CACNA2D2: variants seen among roughly 807,000 people sequenced by gnomAD.
The protein encoded by CACNA2D2 is calcium voltage-gated channel auxiliary subunit alpha2delta 2.
Under a neutral mutation model 166.4 loss-of-function variants are expected in CACNA2D2, and 48 were observed. The observed-to-expected ratio is 0.29, with a 90% CI of 0.23 to 0.37. CACNA2D2 has a LOEUF of 0.37. Ranked by LOEUF, CACNA2D2 falls within the 10% of genes least tolerant of loss-of-function variation. The pLI is 1.00. For missense variants in CACNA2D2, 1,122 were observed against 1,433.0 expected (o/e 0.78, Z 3.50); for synonymous variants, 561 against 573.7 (o/e 0.98, Z 0.32).
chr3:50,483,469 G>A (rs993419976), intron 1 of CACNA2D2, among the ~76,000 whole-genome samples: 4 of 152,160 alleles, frequency 2.6e-5, no homozygotes, highest in South Asian at 4.1e-4. Flanking sequence ...TTTCTTTGCC[G>A]AGAAGAGCTT....
At chr3:50,429,090 C>G (rs1197712898) in intron 3 of CACNA2D2, among the ~76,000 whole-genome samples, 1 of 152,126 alleles carries the variant, frequency 6.6e-6, no homozygotes, top group East Asian at 1.9e-4. Context: ...AATAGCCAGG[C>G]ATGGTGACAC....
rs1391201863 is a variant in CACNA2D2, at chr3:50,365,656, A to G, written c.2948T>C (p.Ile983Thr). The change falls in exon 34 of 38, where the codon ATC becomes ACC. Residue 983 changes from isoleucine to threonine, a missense_variant. Coordinates refer to ENST00000424201, the MANE Select transcript of CACNA2D2 (RefSeq NM_006030.4). The surrounding 1 kb of genome is among the most constrained non-coding windows in gnomAD (Gnocchi z 4.5). Reference sequence around the variant, plus strand: ...ACCTGCTTGGAACCAGCTGTGGTAGATGAGGCCGTAGAGAAGCTGCTGGAA... The same window carrying G: ...ACCTGCTTGGAACCAGCTGTGGTAGGTGAGGCCGTAGAGAAGCTGCTGGAA... Reference protein sequence around the residue: ...SLFQQLLYGLIYHSWFQADPA... With the variant: ...SLFQQLLYGLTYHSWFQADPA... The G allele has an allele frequency of 3.8e-6, 6 of 1,582,300 alleles. No homozygotes were observed. The highest frequency in any genetic ancestry group is 1.7e-4 in the Middle Eastern group (1 of 6,018).
chr3:50,483,827 G>GGTGACAGGCCAGGGATCTC (rs1698164013), intron 1 of CACNA2D2, among the ~76,000 whole-genome samples: 1 of 152,162 alleles, frequency 6.6e-6, no homozygotes, highest in Admixed American at 6.5e-5. Context: ...CTGAGCCAGT[G>GGTGACAGGCCAGGGATCTC]GTGACAGGCC....
At chr3:50,499,430 C>T (rs1698862213) in intron 1 of CACNA2D2, among the ~76,000 whole-genome samples, 1 of 152,210 alleles carries the variant, frequency 6.6e-6, no homozygotes, top group African/African-American at 2.4e-5. Context: ...CCTCCCTGCC[C>T]ACTAGAGGCG....
intron 2 of CACNA2D2, among the ~76,000 whole-genome samples, chr3:50,450,734 G>A (rs939357004): frequency 5.9e-5 from 9 of 152,158 alleles, no homozygotes; most frequent in African/African-American, 2.2e-4. Context: ...CCTGCTGCGC[G>A]CATGCCTGAC....
intron 1 of CACNA2D2, among the ~76,000 whole-genome samples, chr3:50,484,729 G>C (rs1312829234): frequency 6.6e-6 from 1 of 152,200 alleles, no homozygotes; most frequent in Admixed American, 6.5e-5. Flanking sequence ...TATTCCATCA[G>C]ACATCCTCCC....
At chr3:50,416,140 G>C (rs1358313981) in intron 3 of CACNA2D2, 3 of 152,244 alleles carry the variant, frequency 2.0e-5, no homozygotes, top group Non-Finnish European at 4.4e-5. Flanking sequence ...TCCCTCCTTC[G>C]GCCAGGGCTG....
Position 50,434,397 on chromosome 3 carries a change from T to C in CACNA2D2, c.321A>G (p.Val107=), listed in dbSNP as rs1708214554. 2 of 1,613,958 alleles carry C rather than the reference T, an allele frequency of 1.2e-6. No individual in the cohort carries two copies. Among genetic ancestry groups the C allele is most frequent in the Non-Finnish European group, 1.7e-6 (2 of 1,179,928 alleles). ...IYKDNRNLFE[V]QENEPQKLVE... ...CCAACTTCTGAGGCTCATTCTCCTG[T>C]ACCTCGAACAGGTTCCGGTTGTCCT... The change falls in exon 3 of 38, where the codon GTA becomes GTG. Residue 107 remains valine, a synonymous_variant. Coordinates refer to ENST00000424201, the MANE Select transcript of CACNA2D2 (RefSeq NM_006030.4).
In CACNA2D2 at chr3:50,364,003, T is replaced by C. The variant is rs1297164207; in HGVS notation, c.*663A>G. 5 of 152,538 alleles carry C rather than the reference T, an allele frequency of 3.3e-5. No homozygotes were observed. The highest frequency in any genetic ancestry group is 1.2e-4 in the African/African-American group (5 of 41,378). 9.4% of individuals were successfully genotyped at this position (152,538 alleles called of 1,614,324 possible). A position where few individuals can be genotyped will look rare whatever the true frequency, so the allele number is the denominator to read the frequency against. Reference sequence around the variant, plus strand: ...CACCCACCCCACCCCATAGTGTGTGTGTTTGTGCGTGTGCCCAGTGGGGTA... The same window carrying C: ...CACCCACCCCACCCCATAGTGTGTGCGTTTGTGCGTGTGCCCAGTGGGGTA... On this transcript the variant is annotated 3_prime_UTR_variant, in exon 38 of 38. Transcript: ENST00000424201.
intron 2 of CACNA2D2, among the ~76,000 whole-genome samples, chr3:50,469,357 T>C (rs572272004): frequency 6.8e-6 from 1 of 148,030 alleles, no homozygotes; most frequent in Admixed American, 6.6e-5. Context: ...CTGCCCCAGC[T>C]TGGTGGCCTT....
At chr3:50,462,679 T>C (rs1338631389) in intron 2 of CACNA2D2, among the ~76,000 whole-genome samples, 2 of 151,442 alleles carry the variant, frequency 1.3e-5, no homozygotes, top group Non-Finnish European at 2.9e-5. Flanking sequence ...AACTGAACAA[T>C]CAAGAAGTAG....
At chr3:50,374,698 G>GGCAGGGT in intron 22 of CACNA2D2, 39 bp downstream of exon 22, 4 of 1,564,092 alleles carry the variant, frequency 2.6e-6, no homozygotes, top group Non-Finnish European at 2.6e-6. Flanking sequence ...GCGGGGCAGA[G>GGCAGGGT]GCAGGGTGCA....
intron 21 of CACNA2D2, 34 bp from the exon 22 acceptor site, chr3:50,374,847 G>T (rs1463046836): frequency 6.5e-7 from 1 of 1,527,502 alleles, no homozygotes; most frequent in Non-Finnish European, 8.9e-7. Context: ...ACGGCTGGGG[G>T]GAGGCGGGCC....
intron 1 of CACNA2D2, among the ~76,000 whole-genome samples, chr3:50,502,125 G>A (rs185307139): frequency 2.4e-4 from 37 of 152,300 alleles, no homozygotes; most frequent in Non-Finnish European, 4.4e-4. Context: ...CTTGGGCAGA[G>A]CTGGTTTAAA....
At chr3:50,392,680 A>C (rs1559904775) in intron 4 of CACNA2D2, among the ~76,000 whole-genome samples, 1 of 152,176 alleles carries the variant, frequency 6.6e-6, no homozygotes, top group Non-Finnish European at 1.5e-5. Context: ...GCACCCACAT[A>C]GCCTGATGTG....
In CACNA2D2 at chr3:50,367,156, T is replaced by C. The variant is rs1228312756; in HGVS notation, c.2402-47A>G. ...CAGGAGTGGGGTCTGGCGGCCACAC[T>C]GACCACTCTATGCTGGGTCCTACAA... On this transcript the variant is annotated intron_variant, in intron 27 of 37. Coordinates refer to ENST00000424201, the MANE Select transcript of CACNA2D2 (RefSeq NM_006030.4). The surrounding 1 kb of genome is among the most constrained non-coding windows in gnomAD (Gnocchi z 6.5). 4.9e-6 allele frequency: 7 copies of C among 1,426,220 alleles called. No homozygotes were observed. The highest frequency in any genetic ancestry group is 6.9e-6 in the Non-Finnish European group (7 of 1,016,944). 88.3% of individuals were successfully genotyped at this position (1,426,220 alleles called of 1,614,324 possible). A position where few individuals can be genotyped will look rare whatever the true frequency, so the allele number is the denominator to read the frequency against.
chr3:50,491,258 A>C (rs987677306), intron 1 of CACNA2D2, among the ~76,000 whole-genome samples: 5 of 152,240 alleles, frequency 3.3e-5, no homozygotes, highest in African/African-American at 1.2e-4. Context: ...TGTCAGCTGC[A>C]GAAGGATCCC....
chr3:50,499,143 T>G, intron 1 of CACNA2D2, among the ~76,000 whole-genome samples: 1 of 152,026 alleles, frequency 6.6e-6, no homozygotes, highest in East Asian at 1.9e-4. Context: ...GAATCTGATG[T>G]GGGTGGGCAC....
intron 2 of CACNA2D2, among the ~76,000 whole-genome samples, chr3:50,475,331 C>G (rs1335091403): frequency 6.6e-6 from 1 of 152,158 alleles, no homozygotes; most frequent in Non-Finnish European, 1.5e-5. Flanking sequence ...CGAGCCAACT[C>G]TCAGTGGGAG....
Sources: allele counts gnomAD v4.1 joint callset (sites outside exome capture counted in the v4.1 genomes callset), GRCh38; gene constraint gnomAD v4.1.1; non-coding constraint Gnocchi (gnomAD v3.1); transcripts MANE v1.5; gene names NCBI Gene and HGNC (gene_info 2026-07-23, HGNC 2026-07-21).